LRP6: variants seen among roughly 807,000 people sequenced by gnomAD.
LRP6 encodes the protein low-density lipoprotein receptor-related protein 6.
LRP6 carries 43 observed loss-of-function variants against 184.1 expected under a neutral mutation model. The ratio of observed to expected loss-of-function variants is 0.23; its 90% CI spans 0.18 to 0.30. LRP6 has a LOEUF of 0.30. Ranked by LOEUF, LRP6 falls within the 10% of genes least tolerant of loss-of-function variation. LRP6 has a pLI of 1.00. For synonymous variants in LRP6, 719 were observed against 684.9 expected (o/e 1.05, Z -0.78); for missense variants, 1,571 against 2,005.3 (o/e 0.78, Z 4.14).
Position 12,162,233 on chromosome 12 carries a change from G to T in LRP6, c.2239C>A (p.Leu747Ile). Reference protein sequence around the residue: ...QHRQVLVWKDLDSPRALALDP... With the variant: ...QHRQVLVWKDIDSPRALALDP... Reference sequence around the variant, plus strand: ...AACGCGAGAGCTCTGGGACTATCTAGGTCTTTCCACACCAAAACTTGTCGG... The same window carrying T: ...AACGCGAGAGCTCTGGGACTATCTATGTCTTTCCACACCAAAACTTGTCGG... Residue 747 changes from leucine (L) to isoleucine (I), a missense_variant, in exon 10 of 23, where the codon CTA becomes ATA. By Grantham distance (5) the Leu-to-Ile change is conservative (BLOSUM62 2). Around this residue, in one of 4 missense-constraint regions of LRP6, gnomAD observed 158 missense variants for 258.4 expected, o/e 0.61. Coordinates refer to ENST00000261349, the MANE Select transcript of LRP6 (RefSeq NM_002336.3). The T allele has an allele frequency of 6.2e-7, 1 of 1,614,152 alleles. No individual in the cohort carries two copies. Among genetic ancestry groups the T allele is most frequent in the Non-Finnish European group, 8.5e-7 (1 of 1,180,026 alleles).
At position 12,241,806 on chromosome 12, in the gene LRP6, A is replaced by G. The variant is rs929877530; in HGVS notation, c.449+2456T>C. On this transcript the variant is annotated intron_variant, in intron 2 of 22. Coordinates refer to ENST00000261349, the MANE Select transcript of LRP6 (RefSeq NM_002336.3). The stretch of plus-strand genomic sequence containing the variant: ...CTAAATAACACTACCTTCTACCTTC[A>G]AAGTAAATTGCTACTGATTCTTCCA... Among the ~76,000 whole-genome samples the G allele has an allele frequency of 1.2e-4, 18 of 152,220 alleles. No homozygotes were observed. In the South Asian group the frequency reaches 1.4e-3, roughly 12 times the overall value.
intron 2 of LRP6, among the ~76,000 whole-genome samples, chr12:12,206,896 G>T (rs551983150): frequency 8.5e-4 from 129 of 152,002 alleles, no homozygotes; most frequent in Admixed American, 2.4e-3. Flanking sequence ...AATAGGCTCT[G>T]TGAGTTCAGC....
rs139636791 is a variant in LRP6 at position 12,183,816 on chromosome 12, C to T, written c.976+164G>A. Reference sequence around the variant, plus strand: ...TTTATAAAATAGCATTCAAGTGATGCCACAGAACAAAACACTCCTATTCTA... The same window carrying T: ...TTTATAAAATAGCATTCAAGTGATGTCACAGAACAAAACACTCCTATTCTA... On this transcript the variant is annotated intron_variant, in intron 5 of 22. Coordinates refer to ENST00000261349, the MANE Select transcript of LRP6 (RefSeq NM_002336.3). Among the ~76,000 whole-genome samples the T allele has an allele frequency of 2.3e-3, 354 of 152,236 alleles. 1 individual carries two copies. The highest frequency in any genetic ancestry group is 8.3e-3 in the African/African-American group (343 of 41,538).
At chr12:12,247,519 AGTTAGCAATACTG>A (rs1299400827) in intron 1 of LRP6, among the ~76,000 whole-genome samples, 2 of 152,190 alleles carry the variant, frequency 1.3e-5, no homozygotes, top group African/African-American at 2.4e-5. Context: ...ATCTTTTTTA[AGTTAGCAATACTG>A]GTTACAATTG....
rs1591856478 is a variant in LRP6 at position 12,120,609 on chromosome 12, G to C, written c.*517C>G. ...AAACAAAGCCCTTCGTCCAAGGTTA[G>C]TATTAATTGCATTTTTTTCCTTTCA... is the stretch of plus-strand genomic sequence containing the variant. On this transcript the variant is annotated 3_prime_UTR_variant, in exon 23 of 23. Transcript: ENST00000261349. 3 of 152,658 alleles carry C rather than the reference G, an allele frequency of 2.0e-5. No individual in the cohort carries two copies. The highest frequency in any genetic ancestry group is 3.2e-3 in the Middle Eastern group (1 of 316). The allele number at this position is 152,658 out of a possible 1,614,324, so 9.5% of individuals were successfully genotyped here.
At chr12:12,145,272 C>G (rs1330006060) in intron 15 of LRP6, among the ~76,000 whole-genome samples, 1 of 151,758 alleles carries the variant, frequency 6.6e-6, no homozygotes, top group Non-Finnish European at 1.5e-5. Context: ...GTGTGCCTAA[C>G]TGTCTGGAAT....
intron 2 of LRP6, among the ~76,000 whole-genome samples, chr12:12,233,184 T>A (rs12425185): frequency 6.6e-6 from 1 of 151,902 alleles, no homozygotes; most frequent in Non-Finnish European, 1.5e-5. Flanking sequence ...GAAAAAAAAA[T>A]TGTCTGGGCG....
chr12:12,266,386 ACT>A (rs1183889204), intron 1 of LRP6, among the ~76,000 whole-genome samples: 1 of 152,072 alleles, frequency 6.6e-6, no homozygotes, highest in African/African-American at 2.4e-5. Flanking sequence ...GCACACAGAC[ACT>A]CAGTCATCCC....
intron 2 of LRP6, among the ~76,000 whole-genome samples, chr12:12,212,706 T>C (rs1468305018): frequency 6.6e-6 from 1 of 152,260 alleles, no homozygotes; most frequent in Non-Finnish European, 1.5e-5. Context: ...CTGGAAGCTA[T>C]ATATGCTTCA....
At chr12:12,244,774 T>C in intron 1 of LRP6, 119 bp from the exon 2 acceptor site, 1 of 912,074 alleles carries the variant, frequency 1.1e-6, no homozygotes, top group South Asian at 1.6e-5. Context: ...AAAGAATAAA[T>C]AAATCATTAG....
intron 10 of LRP6, among the ~76,000 whole-genome samples, chr12:12,161,325 T>C (rs1862736614): frequency 1.3e-5 from 2 of 152,162 alleles, no homozygotes; most frequent in South Asian, 2.1e-4. Flanking sequence ...TGGAGTGCAG[T>C]GGCACGATCT....
At chr12:12,258,263 T>C (rs143221876) in intron 1 of LRP6, among the ~76,000 whole-genome samples, 2 of 152,178 alleles carry the variant, frequency 1.3e-5, no homozygotes, top group African/African-American at 4.8e-5. Flanking sequence ...ACTACAGGCA[T>C]GTGCCATCGT....
chr12:12,165,939 T>C (rs1461044153), intron 7 of LRP6, among the ~76,000 whole-genome samples: 1 of 152,190 alleles, frequency 6.6e-6, no homozygotes, highest in Non-Finnish European at 1.5e-5. Context: ...AGGATGTACC[T>C]TCTCTTTCCA....
At chr12:12,183,551 T>G (rs755611469) in intron 5 of LRP6, among the ~76,000 whole-genome samples, 8 of 152,044 alleles carry the variant, frequency 5.3e-5, no homozygotes, top group Non-Finnish European at 1.2e-4. Flanking sequence ...ATTTAAAACA[T>G]CCTTAAATAA....
At chr12:12,133,208 CT>C (rs1949781531) in intron 17 of LRP6, among the ~76,000 whole-genome samples, 1 of 152,150 alleles carries the variant, frequency 6.6e-6, no homozygotes, top group Non-Finnish European at 1.5e-5. Context: ...AAGGACACTA[CT>C]TTGAACTGCA....
chr12:12,215,264 GAAAT>G (rs1864311234), intron 2 of LRP6, among the ~76,000 whole-genome samples: 1 of 152,102 alleles, frequency 6.6e-6, no homozygotes, highest in South Asian at 2.1e-4. Context: ...ACATCACAGG[GAAAT>G]AAATATCACA....
rs12316043 is a variant in LRP6, at chr12:12,165,556, T to C, written c.1546-261A>G. ...TGGCAACTTTAGATTATGCAACTCT[T>C]CTATTAAACAATTGTGGCAAAATTA... On this transcript the variant is annotated intron_variant, in intron 7 of 22. Coordinates refer to ENST00000261349, the MANE Select transcript of LRP6 (RefSeq NM_002336.3). 0.077 allele frequency among the ~76,000 whole-genome samples: 11,800 copies of C among 152,278 alleles called. 529 individuals carry two copies. Among genetic ancestry groups the C allele is most frequent in the Admixed American group, 0.11 (1,695 of 15,294 alleles).
At chr12:12,206,270 C>T (rs532191972) in intron 2 of LRP6, among the ~76,000 whole-genome samples, 8 of 152,204 alleles carry the variant, frequency 5.3e-5, no homozygotes, top group African/African-American at 9.6e-5. Context: ...TGGCCAGGTG[C>T]GGTGGCTCAC....
intron 7 of LRP6, among the ~76,000 whole-genome samples, chr12:12,174,152 T>G (rs1863114677): frequency 6.6e-6 from 1 of 152,044 alleles, no homozygotes; most frequent in African/African-American, 2.4e-5. Flanking sequence ...TGCTCTGTTG[T>G]CCATGCTGGA....
Sources: allele counts gnomAD v4.1 joint callset (sites outside exome capture counted in the v4.1 genomes callset), GRCh38; gene constraint gnomAD v4.1.1; regional missense constraint gnomAD v4.1.1; transcripts MANE v1.5; gene names NCBI Gene and HGNC (gene_info 2026-07-23, HGNC 2026-07-21).